The following ZDHHC24 variants were observed in gnomAD, a reference collection of about 807,000 sequenced individuals.
The protein encoded by ZDHHC24 is zDHHC palmitoyltransferase 24, also known as probable palmitoyltransferase ZDHHC24.
ZDHHC24 carries 17 observed loss-of-function variants against 23.2 expected under a neutral mutation model. That is an observed-to-expected ratio of 0.73 (90% CI 0.50 to 1.10). ZDHHC24 has a LOEUF of 1.10. Ranked by LOEUF, ZDHHC24 falls within the 50% of genes least tolerant of loss-of-function variation. The pLI is 0.00. For synonymous variants in ZDHHC24, 186 were observed against 194.5 expected, an observed-to-expected ratio of 0.96 and a Z score of 0.36; for missense variants, 366 against 393.0, an observed-to-expected ratio of 0.93 and a Z score of 0.58.
Position 66,539,530 on chromosome 11 carries a change from C to A in ZDHHC24, c.854G>T (p.Ter285LeuextTer58). Residue 285 changes from the stop codon to leucine, a stop_lost, in exon 3 of 3, where the codon TGA (stop) becomes TTA (leucine). Coordinates refer to ENST00000310442, the MANE Select transcript of ZDHHC24 (RefSeq NM_207340.3). ...GCACAGCTCTGGCTCTTCCTGGAGT[C>A]AGGAGGCTGTGTGTCCCACATCTGC... ...TTADVGHTAS[*>L] The A allele has an allele frequency of 1.3e-6, 2 of 1,556,292 alleles. No homozygotes were observed. The highest frequency in any genetic ancestry group is 2.4e-5 in the South Asian group (2 of 81,644).
intron 1 of ZDHHC24, among the ~76,000 whole-genome samples, 153 bp from the exon 2 acceptor site, chr11:66,544,134 A>G (rs1857240807): frequency 6.6e-6 from 1 of 152,204 alleles, no homozygotes; most frequent in Non-Finnish European, 1.5e-5. Flanking sequence ...AGGCTAAACA[A>G]GATGTCCCAG....
intron 4 of ZDHHC24, chr11:66,524,189 AG>A: frequency 2.5e-6 from 1 of 394,902 alleles, no homozygotes; most frequent in South Asian, 2.1e-5. Flanking sequence ...TTGAGGTAGG[AG>A]AATCGCTTGA....
chr11:66,539,363 C>T lies in ZDHHC24; in HGVS notation c.*166G>A. ...GCACTCCTCTGCCTAAGTCACGGCC[C>T]AAGCCCTGGACACGTAGGAGTGTAG... On this transcript the variant is annotated 3_prime_UTR_variant, in exon 3 of 3. Coordinates refer to ENST00000310442, the MANE Select transcript of ZDHHC24 (RefSeq NM_207340.3). 1 of 1,347,124 alleles carries T rather than the reference C, an allele frequency of 7.4e-7. No homozygotes were observed. Among genetic ancestry groups the T allele is most frequent in the Non-Finnish European group, 9.5e-7 (1 of 1,053,010 alleles). 83.4% of individuals were successfully genotyped at this position (1,347,124 alleles called of 1,614,324 possible).
In ZDHHC24 at chr11:66,539,240, T is replaced by C. The variant is rs1010845420; in HGVS notation, c.*289A>G. Reference sequence around the variant, plus strand: ...CAACAAAGTGAGGGGCCAGAAACTATGCAAAGATGGAGGGAGGCTGAGAAA... The same window carrying C: ...CAACAAAGTGAGGGGCCAGAAACTACGCAAAGATGGAGGGAGGCTGAGAAA... On this transcript the variant is annotated 3_prime_UTR_variant, in exon 3 of 3. Transcript: ENST00000310442. 12 of 1,130,714 alleles carry C rather than the reference T, an allele frequency of 1.1e-5. No individual in the cohort carries two copies. Among genetic ancestry groups the C allele is most frequent in the Admixed American group, 4.9e-5 (1 of 20,438 alleles). 70.0% of individuals were successfully genotyped at this position (1,130,714 alleles called of 1,614,324 possible). A position where few individuals can be genotyped will look rare whatever the true frequency, so the allele number is the denominator to read the frequency against.
chr11:66,523,678 A>G (rs767925430), intron 4 of ZDHHC24: 1 of 1,610,008 alleles, frequency 6.2e-7, no homozygotes, highest in Non-Finnish European at 8.5e-7. Flanking sequence ...CGTTCTTTCC[A>G]CTGTAAGCCC....
chr11:66,529,227 G>C, intron 3 of ZDHHC24: 1 of 1,492,524 alleles, frequency 6.7e-7, no homozygotes, highest in Non-Finnish European at 8.9e-7. Context: ...GCTTGGGGAA[G>C]AGTCATGTGA....
At position 66,545,471 on chromosome 11, in the gene ZDHHC24, C is replaced by T. The variant is rs1326025843; in HGVS notation, c.281+252G>A. On this transcript the variant is annotated intron_variant, in intron 1 of 2. Coordinates refer to ENST00000310442, the MANE Select transcript of ZDHHC24 (RefSeq NM_207340.3). The surrounding 1 kb of genome is among the most constrained non-coding windows in gnomAD (Gnocchi z 4.5). ...TCTAGTTTCTCATCTGCACCCCCCTCAAATCAGGAATTTGTTCTATTGTAC... is the reference window on the plus strand; with the variant it reads ...TCTAGTTTCTCATCTGCACCCCCCTTAAATCAGGAATTTGTTCTATTGTAC... Among the ~76,000 whole-genome samples the T allele has an allele frequency of 1.3e-5, 2 of 152,338 alleles. No individual in the cohort carries two copies. Among genetic ancestry groups the T allele is most frequent in the African/African-American group, 4.8e-5 (2 of 41,580 alleles).
downstream of ZDHHC24, chr11:66,530,807 C>T (rs889420946): frequency 1.0e-5 from 16 of 1,563,450 alleles, no homozygotes; most frequent in African/African-American, 1.4e-5. Context: ...GACATGAGGG[C>T]ATTGGTGGAA....
At chr11:66,527,436 G>A (rs1590774412) in intron 3 of ZDHHC24, 2 of 255,142 alleles carry the variant, frequency 7.8e-6, no homozygotes, top group Non-Finnish European at 1.5e-5. Flanking sequence ...TTTGGGAGGC[G>A]GAGATGGGCA....
chr11:66,539,713 C>T lies in ZDHHC24; in HGVS notation c.671G>A (p.Gly224Asp). 1 of 1,612,388 alleles carries T rather than the reference C, an allele frequency of 6.2e-7. No homozygotes were observed. Reference protein sequence around the residue: ...LLFHGMLLLRGQTTWEWARGQ... With the variant: ...LLFHGMLLLRDQTTWEWARGQ... ...CCGAGCCCACTCCCATGTGGTCTGG[C>T]CCCGCAGCAGCAGCATCCCATGGAA... Residue 224 changes from glycine to aspartate, a missense_variant, in exon 3 of 3, where the codon GGC (glycine) becomes GAC (aspartate). Transcript: ENST00000310442.
At chr11:66,531,846 G>A, downstream of ZDHHC24, 1 of 1,604,622 alleles carries the variant, frequency 6.2e-7, no homozygotes, top group Non-Finnish European at 8.5e-7. Flanking sequence ...GTGGGGGTGG[G>A]GGTATCTGCA....
chr11:66,543,909 C>T lies in ZDHHC24; in HGVS notation c.354G>A (p.Leu118=), dbSNP rs1478111823. The T allele has an allele frequency of 6.2e-7, 1 of 1,614,042 alleles. No homozygotes were observed. Among genetic ancestry groups the T allele is most frequent in the East Asian group, 2.2e-5 (1 of 44,892 alleles). ...GHCSACRVCI[L]RRDHHCRLLG... is the part of the protein sequence containing the mutation. ...GCAGGCGGCAGTGGTGGTCCCGACG[C>T]AGGATGCAGACGCGGCAGGCAGAGC... The change falls in exon 2 of 3, where the codon CTG becomes CTA. Residue 118 remains leucine, a synonymous_variant. Transcript: ENST00000310442.
chr11:66,523,775 C>T (rs776855360), intron 4 of ZDHHC24: 1 of 1,613,298 alleles, frequency 6.2e-7, no homozygotes, highest in African/African-American at 1.3e-5. Context: ...GACCATGAAC[C>T]TCCTGGAGCA....
intron 2 of ZDHHC24, chr11:66,529,733 A>G: frequency 1.3e-6 from 2 of 1,549,682 alleles, no homozygotes; most frequent in Non-Finnish European, 8.8e-7. Context: ...CCCTCCCCAC[A>G]CCAACCTGAG....
At chr11:66,525,709 G>A (rs900154740) in intron 4 of ZDHHC24, among the ~76,000 whole-genome samples, 1 of 152,218 alleles carries the variant, frequency 6.6e-6, no homozygotes, top group African/African-American at 2.4e-5. Flanking sequence ...AAAGAGGAGA[G>A]AACTGACAGA....
rs138835172 is a variant in ZDHHC24, at chr11:66,543,854, G to C, written c.409C>G (p.Arg137Gly). Residue 137 changes from arginine (R) to glycine (G), a missense_variant, in exon 2 of 3, where the codon CGG becomes GGG. Coordinates refer to ENST00000310442, the MANE Select transcript of ZDHHC24 (RefSeq NM_207340.3). ...TGAAGCAGCAGGCACAGGAAGGGCCGGTAGTTGCCGAAGCCCACGCAGCGG... is the reference window on the plus strand; with the variant it reads ...TGAAGCAGCAGGCACAGGAAGGGCCCGTAGTTGCCGAAGCCCACGCAGCGG... ...LGRCVGFGNY[R>G]PFLCLLLHAA... The C allele has an allele frequency of 6.2e-7, 1 of 1,613,756 alleles. No individual in the cohort carries two copies. Among genetic ancestry groups the C allele is most frequent in the Non-Finnish European group, 8.5e-7 (1 of 1,179,870 alleles).
rs143571974 is a variant in ZDHHC24 at position 66,539,179 on chromosome 11, T to G, written c.*350A>C. The stretch of plus-strand genomic sequence containing the variant: ...TGAGACCCTCAGGCATCCTGCAGTT[T>G]CCAGGCCCTACAGAGGGTCCCAGAA... On this transcript the variant is annotated 3_prime_UTR_variant, in exon 3 of 3. Coordinates refer to ENST00000310442, the MANE Select transcript of ZDHHC24 (RefSeq NM_207340.3). 1.0e-4 allele frequency: 104 copies of G among 1,006,710 alleles called. No individual in the cohort carries two copies. The African/African-American group carries it at 1.6e-3, about 16-fold the overall frequency. The allele number at this position is 1,006,710 out of a possible 1,614,324, so 62.4% of individuals were successfully genotyped here. A position where few individuals can be genotyped will look rare whatever the true frequency, so the allele number is the denominator to read the frequency against.
At position 66,543,831 on chromosome 11, in the gene ZDHHC24, A is replaced by G; in HGVS notation, c.432T>C (p.Leu144=). The stretch of plus-strand genomic sequence containing the variant: ...CGTGGAGCAGGACGCCGGCGGCATG[A>G]AGCAGCAGGCACAGGAAGGGCCGGT... The part of the protein sequence containing the change: ...GNYRPFLCLL[L]HAAGVLLHVS... Residue 144 remains leucine (L), a synonymous_variant, in exon 2 of 3, where the codon CTT becomes CTC. Transcript: ENST00000310442. 6.2e-7 allele frequency: 1 copy of G among 1,613,846 alleles called. No homozygotes were observed. The highest frequency in any genetic ancestry group is 8.5e-7 in the Non-Finnish European group (1 of 1,179,838).
rs1203510775 is a variant in ZDHHC24, at chr11:66,526,676, A to G, written c.*21+260T>C. On this transcript the variant is annotated intron_variant, in intron 4 of 4. Transcript: ENST00000526986. ...GGTGGCCTGATCATCAAGATCCTGA[A>G]GCGTACAGCAGTGTTTGTAGAGGGA... 3 of 1,614,178 alleles carry G rather than the reference A, an allele frequency of 1.9e-6. No homozygotes were observed. In the East Asian group the frequency reaches 6.7e-5, roughly 36 times the overall value.
Sources: allele counts gnomAD v4.1 joint callset (sites outside exome capture counted in the v4.1 genomes callset), GRCh38; gene constraint gnomAD v4.1.1; non-coding constraint Gnocchi (gnomAD v3.1); transcripts MANE v1.5; gene names NCBI Gene and HGNC (gene_info 2026-07-23, HGNC 2026-07-21).